Variants in DENND2A observed in about 807,000 individuals in gnomAD.
DENND2A encodes DENN domain containing 2A, also known as DENN domain-containing protein 2A.
A neutral mutation model predicts 105.3 loss-of-function variants in DENND2A; 53 were observed. That is an observed-to-expected ratio of 0.50 (90% CI 0.40 to 0.63). The LOEUF (loss-of-function observed/expected upper bound fraction) is 0.63. Among genes scored for constraint, DENND2A ranks in the 30% least tolerant of loss-of-function variants. The pLI is 0.00. For missense variants in DENND2A, 1,138 were observed against 1,279.6 expected (o/e 0.89, Z 1.69); for synonymous variants, 522 against 508.4 (o/e 1.03, Z -0.36).
chr7:140,536,523 A>T (rs551646403), intron 14 of DENND2A, among the ~76,000 whole-genome samples: 1 of 152,284 alleles, frequency 6.6e-6, no homozygotes, highest in South Asian at 2.1e-4. Context: ...TATGTCAGTG[A>T]TGGGTCTGGA....
chr7:140,529,356 A>G (rs1169432338), intron 14 of DENND2A, among the ~76,000 whole-genome samples: 1 of 152,170 alleles, frequency 6.6e-6, no homozygotes, highest in Non-Finnish European at 1.5e-5. Context: ...AGGACTGTAA[A>G]CTAGTTCAAC....
intron 14 of DENND2A, among the ~76,000 whole-genome samples, chr7:140,528,515 A>G (rs1403821524): frequency 2.0e-5 from 3 of 152,072 alleles, no homozygotes; most frequent in African/African-American, 4.8e-5. Flanking sequence ...CACGCCTGTA[A>G]TCCCAGCACT....
At position 140,527,239 on chromosome 7, in the gene DENND2A, C is replaced by T. The variant is rs897423620; in HGVS notation, c.2505+79G>A. 7 of 1,420,542 alleles carry T rather than the reference C, an allele frequency of 4.9e-6. No individual in the cohort carries two copies. The highest frequency in any genetic ancestry group is 2.5e-5 in the Admixed American group (1 of 40,276). The allele number at this position is 1,420,542 out of a possible 1,614,324, so 88.0% of individuals were successfully genotyped here. A position where few individuals can be genotyped will look rare whatever the true frequency, so the allele number is the denominator to read the frequency against. On this transcript the variant is annotated intron_variant, in intron 15 of 19. Coordinates refer to ENST00000496613, the MANE Select transcript of DENND2A (RefSeq NM_015689.5). This position sits in a 1 kb window ranked among gnomAD's most constrained non-coding sequence, Gnocchi z 4.9. ...ACACTGCTGGCTCTGAGAACCGCTC[C>T]ATGATGCCTGCAGAGCCAGCGCCCC...
At chr7:140,587,508 G>C (rs1401456246) in intron 4 of DENND2A, 145 bp downstream of exon 4, 2 of 1,165,774 alleles carry the variant, frequency 1.7e-6, no homozygotes, top group Non-Finnish European at 2.4e-6. Flanking sequence ...CCACCTGCCT[G>C]CTTTTTCATC....
intron 17 of DENND2A, among the ~76,000 whole-genome samples, chr7:140,522,828 G>C (rs28384334): frequency 6.6e-6 from 1 of 151,728 alleles, no homozygotes; most frequent in African/African-American, 2.4e-5. Flanking sequence ...GGCTGGTTTC[G>C]AACTCTTGAC....
chr7:140,552,232 C>T (rs1797166344), intron 12 of DENND2A, among the ~76,000 whole-genome samples: 1 of 152,154 alleles, frequency 6.6e-6, no homozygotes, highest in African/African-American at 2.4e-5. Context: ...ATGAGCACTT[C>T]TGGTGGAGGG....
chr7:140,593,945 G>A (rs1337436414), intron 3 of DENND2A, among the ~76,000 whole-genome samples: 1 of 147,864 alleles, frequency 6.8e-6, no homozygotes, highest in Non-Finnish European at 1.5e-5. Flanking sequence ...CACTCTTGTT[G>A]CCCAGGCTGG....
chr7:140,561,357 A>C (rs1797604012), intron 9 of DENND2A, among the ~76,000 whole-genome samples: 2 of 152,196 alleles, frequency 1.3e-5, no homozygotes, highest in South Asian at 4.1e-4. Flanking sequence ...TTCCTTTATA[A>C]AAAGTTAAAG....
intron 12 of DENND2A, among the ~76,000 whole-genome samples, chr7:140,551,515 T>C (rs1181477074): frequency 1.3e-5 from 2 of 152,012 alleles, no homozygotes; most frequent in Admixed American, 1.3e-4. Context: ...GGGAGACATG[T>C]GGACCAGGCC....
intron 15 of DENND2A, 38 bp from the exon 16 acceptor site, chr7:140,525,830 G>C: frequency 3.2e-6 from 5 of 1,564,944 alleles, no homozygotes; most frequent in Non-Finnish European, 3.5e-6. Context: ...ACTGTCACCA[G>C]GGCTTCTGGG....
intron 13 of DENND2A, 112 bp from the exon 14 acceptor site, chr7:140,544,878 T>G (rs115579634): frequency 1.1e-5 from 16 of 1,467,404 alleles, no homozygotes; most frequent in South Asian, 2.8e-5. Flanking sequence ...GACCCACTGG[T>G]GGGGGAAAAG....
chr7:140,571,897 C>G (rs1211189310), intron 6 of DENND2A, among the ~76,000 whole-genome samples: 1 of 152,134 alleles, frequency 6.6e-6, no homozygotes, highest in Non-Finnish European at 1.5e-5. Flanking sequence ...CCTTTCATAA[C>G]CTCTCCTAGT....
intron 3 of DENND2A, among the ~76,000 whole-genome samples, chr7:140,590,111 C>G: frequency 1.3e-5 from 2 of 152,200 alleles, no homozygotes; most frequent in East Asian, 3.9e-4. Context: ...TAATGCAGGC[C>G]GGGCGCGGTG....
chr7:140,567,400 C>T, intron 8 of DENND2A, 127 bp from the exon 9 acceptor site: 1 of 794,784 alleles, frequency 1.3e-6, no homozygotes, highest in East Asian at 2.8e-5. Flanking sequence ...TTGTGCCGAG[C>T]TGCAATAGGT....
chr7:140,588,551 C>T (rs1329553372), intron 3 of DENND2A, among the ~76,000 whole-genome samples: 1 of 152,106 alleles, frequency 6.6e-6, no homozygotes, highest in African/African-American at 2.4e-5. Context: ...ACAGTATAGA[C>T]AGTCCCTGAC....
At chr7:140,587,401 C>G (rs145638790) in intron 4 of DENND2A, among the ~76,000 whole-genome samples, 1 of 152,144 alleles carries the variant, frequency 6.6e-6, no homozygotes. Flanking sequence ...CGCTATGCCA[C>G]GCTGCCACAC....
chr7:140,619,167 A>G (rs1179773219), intron 1 of DENND2A, among the ~76,000 whole-genome samples: 2 of 152,236 alleles, frequency 1.3e-5, no homozygotes, highest in Non-Finnish European at 2.9e-5. Flanking sequence ...GTGTTTGCAT[A>G]AATATTCATA....
chr7:140,601,438 C>G lies in DENND2A; in HGVS notation c.960G>C (p.Leu320=), dbSNP rs748035712. Residue 320 remains leucine, a synonymous_variant, in exon 3 of 20, where the codon CTG becomes CTC. Transcript: ENST00000496613. ...CACTGGATTTCTGTCTCCCGGTCCA[C>G]AGTCTTCTGTTCACAGAGGAAGGTG... The part of the protein sequence containing the change: ...SPPPSSVNRR[L]WTGRQKSSAD... 2 of 1,610,742 alleles carry G rather than the reference C, an allele frequency of 1.2e-6. No individual in the cohort carries two copies. Among genetic ancestry groups the G allele is most frequent in the Admixed American group, 1.7e-5 (1 of 59,574 alleles).
intron 1 of DENND2A, among the ~76,000 whole-genome samples, chr7:140,629,962 A>G (rs1459700844): frequency 6.6e-6 from 1 of 151,370 alleles, no homozygotes; most frequent in African/African-American, 2.4e-5. Context: ...GGTTCAAGCA[A>G]TTCTGCTGCC....
Sources: allele counts gnomAD v4.1 joint callset (sites outside exome capture counted in the v4.1 genomes callset), GRCh38; gene constraint gnomAD v4.1.1; non-coding constraint Gnocchi (gnomAD v3.1); transcripts MANE v1.5; gene names NCBI Gene and HGNC (gene_info 2026-07-23, HGNC 2026-07-21).